RFTN2: variants seen among roughly 807,000 people sequenced by gnomAD.
RFTN2 encodes raftlin family member 2.
Under a neutral mutation model 52.7 loss-of-function variants are expected in RFTN2, and 34 were observed. That is an observed-to-expected ratio of 0.64 (90% CI 0.49 to 0.86). RFTN2 has a LOEUF of 0.86. Among genes scored for constraint, RFTN2 ranks in the 40% least tolerant of loss-of-function variants. RFTN2 has a pLI of 0.00. For synonymous variants in RFTN2, 203 were observed against 217.7 expected (o/e 0.93, Z 0.59); for missense variants, 536 against 600.1 (o/e 0.89, Z 1.12).
At chr2:197,592,281 T>C (rs2087729136) in intron 8 of RFTN2, among the ~76,000 whole-genome samples, 2 of 152,216 alleles carry the variant, frequency 1.3e-5, no homozygotes, top group African/African-American at 4.8e-5. Context: ...GCACAACCTC[T>C]GCTTCCCAGG....
At chr2:197,627,667 G>T (rs534217851) in intron 5 of RFTN2, among the ~76,000 whole-genome samples, 2 of 152,232 alleles carry the variant, frequency 1.3e-5, no homozygotes, top group Non-Finnish European at 2.9e-5. Flanking sequence ...CCTAAGGTGG[G>T]GAAAGACTAT....
intron 1 of RFTN2, 59 bp from the exon 2 acceptor site, chr2:197,646,725 T>A: frequency 7.5e-7 from 1 of 1,328,024 alleles, no homozygotes; most frequent in Admixed American, 1.9e-5. Context: ...TATACATTAT[T>A]TCTACCTATG....
At chr2:197,601,560 C>G (rs1016972432) in intron 7 of RFTN2, among the ~76,000 whole-genome samples, 79 of 151,948 alleles carry the variant, frequency 5.2e-4, no homozygotes, top group African/African-American at 1.8e-3. Flanking sequence ...ACTGCATTAG[C>G]TCTACAAGCA....
intron 8 of RFTN2, among the ~76,000 whole-genome samples, chr2:197,581,800 C>A (rs1370100221): frequency 6.6e-6 from 1 of 152,186 alleles, no homozygotes; most frequent in Non-Finnish European, 1.5e-5. Context: ...AACTCCTTTC[C>A]TTCCTGGGCA....
chr2:197,571,727 T>G lies in RFTN2; in HGVS notation c.*281A>C. Reference sequence around the variant, plus strand: ...TAAGAAAGTCTACTTTGTACATTCATGAGAAGCTGAAATAGATTATTGTGT... The same window carrying G: ...TAAGAAAGTCTACTTTGTACATTCAGGAGAAGCTGAAATAGATTATTGTGT... On this transcript the variant is annotated 3_prime_UTR_variant, in exon 9 of 9. Coordinates refer to ENST00000295049, the MANE Select transcript of RFTN2 (RefSeq NM_144629.3). 2.5e-6 allele frequency: 1 copy of G among 399,270 alleles called. No homozygotes were observed. Among genetic ancestry groups the G allele is most frequent in the East Asian group, 4.8e-5 (1 of 20,874 alleles). 24.7% of individuals were successfully genotyped at this position (399,270 alleles called of 1,614,324 possible).
At chr2:197,644,121 T>C in intron 3 of RFTN2, 37 bp downstream of exon 3, 1 of 1,131,846 alleles carries the variant, frequency 8.8e-7, no homozygotes, top group Non-Finnish European at 1.4e-6. Flanking sequence ...ACCAAATGTT[T>C]GTCAATATCC....
At chr2:197,585,906 C>T (rs374076459) in intron 8 of RFTN2, among the ~76,000 whole-genome samples, 1 of 152,094 alleles carries the variant, frequency 6.6e-6, no homozygotes, top group Admixed American at 6.6e-5. Context: ...CCCACATATT[C>T]GGACCCCTCA....
chr2:197,586,917 A>C (rs1266143022), intron 8 of RFTN2, among the ~76,000 whole-genome samples: 1 of 152,158 alleles, frequency 6.6e-6, no homozygotes, highest in Non-Finnish European at 1.5e-5. Context: ...GTGTAAGACA[A>C]CATAAAAAAA....
chr2:197,659,631 A>G (rs1287433878), intron 1 of RFTN2, among the ~76,000 whole-genome samples: 2 of 152,116 alleles, frequency 1.3e-5, no homozygotes, highest in Admixed American at 1.3e-4. Context: ...TATCCTGGCC[A>G]ACATGGTAAA....
chr2:197,634,037 C>CT (rs1270040838), intron 3 of RFTN2, 40 bp from the exon 4 acceptor site: 1 of 1,512,966 alleles, frequency 6.6e-7, no homozygotes, highest in South Asian at 1.2e-5. Context: ...AATGTAAACT[C>CT]TATTTTCATT....
rs1166717513 is a variant in RFTN2 at position 197,600,984 on chromosome 2, A to C, written c.1155-4915T>G. On this transcript the variant is annotated intron_variant, in intron 7 of 8. Coordinates refer to ENST00000295049, the MANE Select transcript of RFTN2 (RefSeq NM_144629.3). ...CAGTCTACAGAGAAGTGATGAGAAC[A>C]TTGACTAGTCCCTTCATCTCTGAGG... is the stretch of plus-strand genomic sequence containing the variant. Among the ~76,000 whole-genome samples, 5 of 152,234 alleles carry C rather than the reference A, an allele frequency of 3.3e-5. 1 individual carries two copies.
rs1339718697 is a variant in RFTN2 at position 197,644,247 on chromosome 2, C to T, written c.349G>A (p.Gly117Arg). Residue 117 changes from glycine (G) to arginine (R), a missense_variant, in exon 3 of 9, where the codon GGA (glycine) becomes AGA (arginine). By Grantham distance (125) the Gly-to-Arg change is moderately radical. Coordinates refer to ENST00000295049, the MANE Select transcript of RFTN2 (RefSeq NM_144629.3). ...LSPKNSAAPS[G>R]QRRPRLVIEE... ...ATCACGAGCCTTGGGCGTCTTTGTC[C>T]ACTGGGTGCTGCCGAATTCTTTGGG... 6.2e-7 allele frequency: 1 copy of T among 1,611,078 alleles called. No individual in the cohort carries two copies. The highest frequency in any genetic ancestry group is 8.5e-7 in the Non-Finnish European group (1 of 1,177,268).
At chr2:197,619,180 C>T (rs558579852) in intron 5 of RFTN2, among the ~76,000 whole-genome samples, 115 of 152,028 alleles carry the variant, frequency 7.6e-4, no homozygotes, top group African/African-American at 2.0e-3. Context: ...CGCCTCTGCC[C>T]GGCTGCGCCT....
chr2:197,586,799 G>A (rs758388690), intron 8 of RFTN2, among the ~76,000 whole-genome samples: 1 of 152,142 alleles, frequency 6.6e-6, no homozygotes, highest in Admixed American at 6.6e-5. Context: ...TCTAGCTGAG[G>A]TTGTCCTCCA....
At chr2:197,608,956 A>G (rs1182573115) in intron 7 of RFTN2, among the ~76,000 whole-genome samples, 2 of 152,308 alleles carry the variant, frequency 1.3e-5, no homozygotes, top group Non-Finnish European at 2.9e-5. Flanking sequence ...TGCAAAGGAC[A>G]TGAACTCATC....
In RFTN2 at chr2:197,659,818, C is replaced by CA. The variant is rs1292410599; in HGVS notation, c.140-13153dup. On this transcript the variant is annotated intron_variant, in intron 1 of 8. Transcript: ENST00000295049. ...GGCAAAAAGAGCAAAAACTCTGTCT[C>CA]AAAAAAAAAAATGCTATGTATAAAC... Among the ~76,000 whole-genome samples, 552 of 142,646 alleles carry CA rather than the reference C, an allele frequency of 3.9e-3. 6 individuals carry two copies. The highest frequency in any genetic ancestry group is 0.011 in the Middle Eastern group (3 of 276). 93.6% of individuals were successfully genotyped at this position (142,646 alleles called of 152,430 possible).
intron 8 of RFTN2, among the ~76,000 whole-genome samples, chr2:197,587,691 C>T (rs553218514): frequency 6.6e-6 from 1 of 152,308 alleles, no homozygotes; most frequent in East Asian, 1.9e-4. Flanking sequence ...CACACAAAGC[C>T]TGTTTGGTAG....
intron 5 of RFTN2, among the ~76,000 whole-genome samples, chr2:197,627,082 TC>T (rs1487037434): frequency 6.6e-6 from 1 of 152,216 alleles, no homozygotes; most frequent in Non-Finnish European, 1.5e-5. Flanking sequence ...GCCTACCTCT[TC>T]CATTGTGTCC....
chr2:197,570,377 G>C lies in RFTN2; in HGVS notation c.*1631C>G, dbSNP rs1389997060. On this transcript the variant is annotated 3_prime_UTR_variant, in exon 9 of 9. Transcript: ENST00000295049. ...TCAGCAATTAATGGAGATTGACTTA[G>C]TTTAGATACACTATATAATTGATAA... 1.3e-5 allele frequency: 2 copies of C among 152,174 alleles called. No individual in the cohort carries two copies. The highest frequency in any genetic ancestry group is 2.9e-5 in the Non-Finnish European group (2 of 68,036). The allele number at this position is 152,174 out of a possible 1,614,324, so 9.4% of individuals were successfully genotyped here.
Sources: allele counts gnomAD v4.1 joint callset (sites outside exome capture counted in the v4.1 genomes callset), GRCh38; gene constraint gnomAD v4.1.1; transcripts MANE v1.5; gene names NCBI Gene and HGNC (gene_info 2026-07-23, HGNC 2026-07-21).